Variants in GDF10 observed in about 807,000 individuals in gnomAD.
The protein encoded by GDF10 is growth/differentiation factor 10.
GDF10 carries 23 observed loss-of-function variants against 32.1 expected under a neutral mutation model. That is an observed-to-expected ratio of 0.72 (90% CI 0.52 to 1.02). The LOEUF is 1.02. Among genes scored for constraint, GDF10 ranks in the 50% least tolerant of loss-of-function variants. The pLI is 0.00. For synonymous variants in GDF10, 328 were observed against 303.1 expected (o/e 1.08, Z -0.85); for missense variants, 764 against 673.9 (o/e 1.13, Z -1.48).
chr10:47,306,048 C>G (rs1487140477), intron 1 of GDF10, among the ~76,000 whole-genome samples: 1 of 152,130 alleles, frequency 6.6e-6, no homozygotes, highest in Non-Finnish European at 1.5e-5. Context: ...CGACTCCACC[C>G]CTTGCCAACT....
chr10:47,302,795 G>C (rs1214920135), intron 1 of GDF10, among the ~76,000 whole-genome samples: 1 of 152,192 alleles, frequency 6.6e-6, no homozygotes, highest in Non-Finnish European at 1.5e-5. Context: ...GGTCTGGGAG[G>C]GGTAGGGTGA....
intron 1 of GDF10, among the ~76,000 whole-genome samples, chr10:47,303,477 G>A (rs2061011584): frequency 6.6e-6 from 1 of 152,200 alleles, no homozygotes; most frequent in Admixed American, 6.5e-5. Context: ...TTCTAAAATG[G>A]AGCTAATAGT....
intron 1 of GDF10, among the ~76,000 whole-genome samples, 158 bp from the exon 2 acceptor site, chr10:47,309,638 T>G (rs1218094336): frequency 2.0e-5 from 3 of 152,194 alleles, no homozygotes; most frequent in African/African-American, 7.2e-5. Flanking sequence ...CTCATCAGTT[T>G]CATGTGAGGA....
chr10:47,302,841 CT>C (rs1467809875), intron 1 of GDF10, among the ~76,000 whole-genome samples: 1 of 152,178 alleles, frequency 6.6e-6, no homozygotes, highest in African/African-American at 2.4e-5. Flanking sequence ...TTCTGGTAGT[CT>C]GGAGTGTCTG....
rs782339800 is a variant in GDF10, at chr10:47,300,886, A to G, written c.235A>G (p.Met79Val). ...CGCCCAGGACATGGTCGCTGTCCACATGCACAGGCTCTATGAGAAGTACAG... is the reference window on the plus strand; with the variant it reads ...CGCCCAGGACATGGTCGCTGTCCACGTGCACAGGCTCTATGAGAAGTACAG... ...PSAQDMVAVH[M>V]HRLYEKYSRQ... The change falls in exon 1 of 3, where the codon ATG (methionine) becomes GTG (valine). Residue 79 changes from methionine (M) to valine (V), a missense_variant. Coordinates refer to ENST00000580279, the MANE Select transcript of GDF10 (RefSeq NM_004962.5). The G allele has an allele frequency of 6.3e-7, 1 of 1,588,306 alleles. No homozygotes were observed. Among genetic ancestry groups the G allele is most frequent in the Non-Finnish European group, 8.5e-7 (1 of 1,175,414 alleles).
chr10:47,304,915 G>A (rs1364560501), intron 1 of GDF10, among the ~76,000 whole-genome samples: 1 of 152,204 alleles, frequency 6.6e-6, no homozygotes, highest in African/African-American at 2.4e-5. Flanking sequence ...TACACAGTAA[G>A]GATCTTAACC....
In GDF10 at chr10:47,310,116, C is replaced by T. The variant is rs782134653; in HGVS notation, c.640C>T (p.Arg214Cys). 2 of 1,610,146 alleles carry T rather than the reference C, an allele frequency of 1.2e-6. No individual in the cohort carries two copies. The highest frequency in any genetic ancestry group is 8.5e-7 in the Non-Finnish European group (1 of 1,179,194). Reference protein sequence around the residue: ...KDISPIVKAARRDGELLLSAQ... With the variant: ...KDISPIVKAACRDGELLLSAQ... ...CATCTCCCCCATCGTCAAGGCGGCC[C>T]GCCGGGATGGCGAGCTGCTCCTCTC... Residue 214 changes from arginine to cysteine, a missense_variant, in exon 2 of 3, where the codon CGC (arginine) becomes TGC (cysteine). Transcript: ENST00000580279.
intron 1 of GDF10, among the ~76,000 whole-genome samples, chr10:47,305,566 T>G (rs2061020561): frequency 6.6e-6 from 1 of 152,226 alleles, no homozygotes; most frequent in African/African-American, 2.4e-5. Flanking sequence ...AGCCCAGCGT[T>G]CTCACTGATT....
intron 1 of GDF10, among the ~76,000 whole-genome samples, chr10:47,305,864 T>C: frequency 6.6e-6 from 1 of 152,210 alleles, no homozygotes; most frequent in East Asian, 1.9e-4. Flanking sequence ...TTTCTCTTCT[T>C]AGGGAGTCAG....
chr10:47,309,245 G>C (rs1555207346), intron 1 of GDF10, among the ~76,000 whole-genome samples: 5 of 152,238 alleles, frequency 3.3e-5, no homozygotes, highest in African/African-American at 9.6e-5. Context: ...CAAAAAGCAT[G>C]AGCGTTTATT....
Position 47,310,306 on chromosome 10 carries a change from G to T in GDF10, c.830G>T (p.Arg277Leu). 1 of 1,607,920 alleles carries T rather than the reference G, an allele frequency of 6.2e-7. No homozygotes were observed. ...DPFPAGDPEP[R>L]AAPNNSADPR... ...TTCCCTGCCGGAGACCCCGAGCCCCGCGCAGCCCCCAACAACTCAGCGGAC... is the reference window on the plus strand; with the variant it reads ...TTCCCTGCCGGAGACCCCGAGCCCCTCGCAGCCCCCAACAACTCAGCGGAC... The change falls in exon 2 of 3, where the codon CGC becomes CTC. Residue 277 changes from arginine to leucine, a missense_variant. Coordinates refer to ENST00000580279, the MANE Select transcript of GDF10 (RefSeq NM_004962.5).
chr10:47,310,242 C>G lies in GDF10; in HGVS notation c.766C>G (p.Pro256Ala). The change falls in exon 2 of 3, where the codon CCC becomes GCC. Residue 256 changes from proline to alanine, a missense_variant. By Grantham distance (27) the Pro-to-Ala change is conservative. Coordinates refer to ENST00000580279, the MANE Select transcript of GDF10 (RefSeq NM_004962.5). ...VYANDLAISE[P>A]NSVAVTLQRY... ...TGCCAACGATCTGGCCATCTCGGAG[C>G]CCAACAGCGTGGCAGTGACGCTGCA... 1 of 1,609,758 alleles carries G rather than the reference C, an allele frequency of 6.2e-7. No individual in the cohort carries two copies. The highest frequency in any genetic ancestry group is 8.5e-7 in the Non-Finnish European group (1 of 1,178,240).
Position 47,300,538 on chromosome 10 carries a change from T to C in GDF10, c.-114T>C. 1 of 962,050 alleles carries C rather than the reference T, an allele frequency of 1.0e-6. No individual in the cohort carries two copies. Among genetic ancestry groups the C allele is most frequent in the Admixed American group, 3.0e-5 (1 of 33,308 alleles). 59.6% of individuals were successfully genotyped at this position (962,050 alleles called of 1,614,324 possible). ...CGGACCTCGGTATCCAGCGCCCTGC[T>C]GCCCGGGCTCTCCCCGCGCGCCCTA... On this transcript the variant is annotated 5_prime_UTR_variant, in exon 1 of 3. Transcript: ENST00000580279.
chr10:47,306,843 G>A (rs1277215988), intron 1 of GDF10, among the ~76,000 whole-genome samples: 3 of 152,130 alleles, frequency 2.0e-5, no homozygotes, highest in South Asian at 2.1e-4. Context: ...GGAGAAGAAC[G>A]CCAGTGTGAC....
chr10:47,310,632 G>A lies in GDF10; in HGVS notation c.1156G>A (p.Ala386Thr), dbSNP rs781810061. The change falls in exon 2 of 3, where the codon GCA becomes ACA. Residue 386 changes from alanine (A) to threonine (T), a missense_variant. Coordinates refer to ENST00000580279, the MANE Select transcript of GDF10 (RefSeq NM_004962.5). ...CCGGAGGTACCTGAAGGTGGACTTCGCAGACATCGGCTGGAATGAATGGAT... is the reference window on the plus strand; with the variant it reads ...CCGGAGGTACCTGAAGGTGGACTTCACAGACATCGGCTGGAATGAATGGAT... ...CSRRYLKVDF[A>T]DIGWNEWIIS... The A allele has an allele frequency of 8.7e-6, 14 of 1,614,088 alleles. No individual in the cohort carries two copies. Among genetic ancestry groups the A allele is most frequent in the Admixed American group, 3.3e-5 (2 of 60,034 alleles).
chr10:47,312,789 G>A lies in GDF10; in HGVS notation c.1434G>A (p.Arg478=), dbSNP rs1555207908. The A allele has an allele frequency of 3.8e-6, 6 of 1,569,014 alleles. No homozygotes were observed. The highest frequency in any genetic ancestry group is 5.2e-6 in the Non-Finnish European group (6 of 1,155,206). The stretch of plus-strand genomic sequence containing the variant: ...TGTCCGTGGACACCTGTGCCTGCCG[G>A]TGAGACCACTCCAGGGTGGAAAGAA... ...PNMSVDTCAC[R] The change falls in exon 3 of 3, where the codon CGG becomes CGA. Residue 478 remains arginine, a synonymous_variant. Coordinates refer to ENST00000580279, the MANE Select transcript of GDF10 (RefSeq NM_004962.5).
chr10:47,309,024 C>G (rs2061033165), intron 1 of GDF10, among the ~76,000 whole-genome samples: 1 of 152,138 alleles, frequency 6.6e-6, no homozygotes, highest in Admixed American at 6.5e-5. Flanking sequence ...CCCAGGGAAG[C>G]CGGAGCTGGA....
intron 2 of GDF10, 68 bp from the exon 3 acceptor site, chr10:47,312,533 G>A (rs1203897389): frequency 4.2e-6 from 4 of 959,528 alleles, no homozygotes; most frequent in South Asian, 1.8e-5. Flanking sequence ...GGGACTGTGA[G>A]GATGGCATGG....
Position 47,310,071 on chromosome 10 carries a change from G to A in GDF10, c.595G>A (p.Gly199Ser), listed in dbSNP as rs1555207490. 4 of 1,606,106 alleles carry A rather than the reference G, an allele frequency of 2.5e-6. No individual in the cohort carries two copies. The highest frequency in any genetic ancestry group is 1.7e-5 in the Admixed American group (1 of 59,826). ...GAMALAPPPRGLWQAKDISPI... is the reference protein window; with the variant it reads ...GAMALAPPPRSLWQAKDISPI... The stretch of plus-strand genomic sequence containing the variant: ...CATGGCCCTGGCGCCCCCACCGCGC[G>A]GCCTGTGGCAGGCCAAGGACATCTC... The change falls in exon 2 of 3, where the codon GGC (glycine) becomes AGC (serine). Residue 199 changes from glycine (G) to serine (S), a missense_variant. Gly to Ser is a moderately conservative substitution (Grantham distance 56). Transcript: ENST00000580279.
Sources: allele counts gnomAD v4.1 joint callset (sites outside exome capture counted in the v4.1 genomes callset), GRCh38; gene constraint gnomAD v4.1.1; transcripts MANE v1.5; gene names NCBI Gene and HGNC (gene_info 2026-07-23, HGNC 2026-07-21).